SHISA3: variants seen among roughly 807,000 people sequenced by gnomAD.
SHISA3 encodes the protein protein shisa-3 homolog.
SHISA3 carries 15 observed loss-of-function variants against 19.2 expected under a neutral mutation model. The observed-to-expected ratio is 0.78, with a 90% confidence interval of 0.52 to 1.20. The LOEUF (loss-of-function observed/expected upper bound fraction) is 1.20. Among genes scored for constraint, SHISA3 ranks in the 50% most tolerant of loss-of-function variants. SHISA3 has a pLI of 0.00. For missense variants in SHISA3, 327 were observed against 315.7 expected, an observed-to-expected ratio of 1.04 and a Z score of -0.27; for synonymous variants, 145 against 135.2, an observed-to-expected ratio of 1.07 and a Z score of -0.50.
chr4:42,398,144 G>A lies in SHISA3; in HGVS notation c.88G>A (p.Gly30Ser), dbSNP rs774157029. The change falls in exon 1 of 2, where the codon GGC becomes AGC. Residue 30 changes from glycine (G) to serine (S), a missense_variant. Gly to Ser is a moderately conservative substitution (Grantham distance 56, BLOSUM62 0). Transcript: ENST00000319234. ...GAQQSGEYCH[G>S]WVDVQGNYHE... ...CCAGCAGTCCGGAGAGTACTGCCAC[G>A]GCTGGGTGGACGTGCAGGGCAACTA... is the stretch of plus-strand genomic sequence containing the variant. 7 of 1,605,996 alleles carry A rather than the reference G, an allele frequency of 4.4e-6. No individual in the cohort carries two copies. Among genetic ancestry groups the A allele is most frequent in the Non-Finnish European group, 5.9e-6 (7 of 1,176,864 alleles).
chr4:42,398,026 T>G lies in SHISA3; in HGVS notation c.-31T>G. ...AGCCCTTCGCTTTCCAGCTGCGTCC[T>G]GCTCCCGGCCGCCCAGGGAGCCCAG... On this transcript the variant is annotated 5_prime_UTR_variant, in exon 1 of 2. Coordinates refer to ENST00000319234, the MANE Select transcript of SHISA3 (RefSeq NM_001080505.3). 6.6e-7 allele frequency: 1 copy of G among 1,513,872 alleles called. No individual in the cohort carries two copies. Among genetic ancestry groups the G allele is most frequent in the East Asian group, 2.4e-5 (1 of 41,648 alleles). 93.8% of individuals were successfully genotyped at this position (1,513,872 alleles called of 1,614,324 possible).
chr4:42,399,744 G>A (rs1195488206), intron 1 of SHISA3, among the ~76,000 whole-genome samples: 1 of 152,208 alleles, frequency 6.6e-6, no homozygotes, highest in Non-Finnish European at 1.5e-5. Context: ...CCTCTTCTCA[G>A]TTCTAAAGTG....
chr4:42,401,341 CA>C lies in SHISA3; in HGVS notation c.608del (p.His203ProfsTer42). ...GCCATACACCACCAGCCACTCAATC[CA>C]CCTGGCTCAGCCATCTGGTTTCCTG... ...PPPYTTSHSI[H>X]LAQPSGFLVS... On this transcript the variant is annotated frameshift_variant, in exon 2 of 2. Transcript: ENST00000319234. LOFTEE classifies it high-confidence loss of function. The C allele has an allele frequency of 6.2e-7, 1 of 1,614,250 alleles. No homozygotes were observed. The highest frequency in any genetic ancestry group is 8.5e-7 in the Non-Finnish European group (1 of 1,180,052).
chr4:42,402,295 C>A lies in SHISA3; in HGVS notation c.*844C>A, dbSNP rs543219915. Reference sequence around the variant, plus strand: ...TAATGTATTTACCACATTGACTGTACTAATTATTTAGTAGTCATACTGTAA... The same window carrying A: ...TAATGTATTTACCACATTGACTGTAATAATTATTTAGTAGTCATACTGTAA... On this transcript the variant is annotated 3_prime_UTR_variant, in exon 2 of 2. Transcript: ENST00000319234. The A allele has an allele frequency of 6.6e-6, 1 of 152,100 alleles. No homozygotes were observed. The highest frequency in any genetic ancestry group is 1.9e-4 in the East Asian group (1 of 5,180). 9.4% of individuals were successfully genotyped at this position (152,100 alleles called of 1,614,324 possible).
In SHISA3 at chr4:42,401,513, T is replaced by C. The variant is rs1711923737; in HGVS notation, c.*62T>C. On this transcript the variant is annotated 3_prime_UTR_variant, in exon 2 of 2. Transcript: ENST00000319234. ...GCAGACAGGTGGAGCCCTGCTCCCA[T>C]TGCCACATGCAATTCTGAGAAAATT... 3 of 1,494,796 alleles carry C rather than the reference T, an allele frequency of 2.0e-6. No individual in the cohort carries two copies. The highest frequency in any genetic ancestry group is 2.7e-5 in the South Asian group (2 of 74,478). 92.6% of individuals were successfully genotyped at this position (1,494,796 alleles called of 1,614,324 possible).
In SHISA3 at chr4:42,397,943, G is replaced by A. The variant is rs748266851; in HGVS notation, c.-114G>A. 1.7e-5 allele frequency: 19 copies of A among 1,094,140 alleles called. No homozygotes were observed. The highest frequency in any genetic ancestry group is 2.4e-5 in the Non-Finnish European group (19 of 795,850). The allele number at this position is 1,094,140 out of a possible 1,614,324, so 67.8% of individuals were successfully genotyped here. A position where few individuals can be genotyped will look rare whatever the true frequency, so the allele number is the denominator to read the frequency against. On this transcript the variant is annotated 5_prime_UTR_variant, in exon 1 of 2. Transcript: ENST00000319234. ...GGACTGGCTTCGGCCGCCGGGGCCA[G>A]CAGCTTGCGACGTGTCCCTGGGGAG...
At chr4:42,399,963 C>T (rs1711859984) in intron 1 of SHISA3, among the ~76,000 whole-genome samples, 1 of 152,218 alleles carries the variant, frequency 6.6e-6, no homozygotes, top group Non-Finnish European at 1.5e-5. Flanking sequence ...CTAGCTCTGT[C>T]TGTGGGAATG....
chr4:42,398,657 G>A (rs1332766295), intron 1 of SHISA3, among the ~76,000 whole-genome samples: 1 of 152,206 alleles, frequency 6.6e-6, no homozygotes, highest in Non-Finnish European at 1.5e-5. Context: ...CGGGAGAAGG[G>A]TAGTGCGGGT....
Position 42,397,947 on chromosome 4 carries a change from C to A in SHISA3, c.-110C>A. 2 of 1,140,044 alleles carry A rather than the reference C, an allele frequency of 1.8e-6. No individual in the cohort carries two copies. Among genetic ancestry groups the A allele is most frequent in the Non-Finnish European group, 2.4e-6 (2 of 836,264 alleles). 70.6% of individuals were successfully genotyped at this position (1,140,044 alleles called of 1,614,324 possible). A position where few individuals can be genotyped will look rare whatever the true frequency, so the allele number is the denominator to read the frequency against. Reference sequence around the variant, plus strand: ...TGGCTTCGGCCGCCGGGGCCAGCAGCTTGCGACGTGTCCCTGGGGAGGCGG... The same window carrying A: ...TGGCTTCGGCCGCCGGGGCCAGCAGATTGCGACGTGTCCCTGGGGAGGCGG... On this transcript the variant is annotated 5_prime_UTR_variant, in exon 1 of 2. Transcript: ENST00000319234.
chr4:42,398,454 G>A, intron 1 of SHISA3, 121 bp downstream of exon 1: 1 of 1,116,702 alleles, frequency 9.0e-7, no homozygotes, highest in Non-Finnish European at 1.2e-6. Flanking sequence ...GTGCGCCAGG[G>A]GGACGCGGCC....
At position 42,398,296 on chromosome 4, in the gene SHISA3, C is replaced by G. The variant is rs993222380; in HGVS notation, c.240C>G (p.Asn80Lys). ...GGCTGGAGCAGGGCGGCTGCACCAACGACCGCCGCGAACTGGAGCACCCAG... is the reference window on the plus strand; with the variant it reads ...GGCTGGAGCAGGGCGGCTGCACCAAGGACCGCCGCGAACTGGAGCACCCAG... ...DARLEQGGCTNDRRELEHPGI... is the reference protein window; with the variant it reads ...DARLEQGGCTKDRRELEHPGI... The change falls in exon 1 of 2, where the codon AAC becomes AAG. Residue 80 changes from asparagine to lysine, a missense_variant. Transcript: ENST00000319234. 2.6e-6 allele frequency: 4 copies of G among 1,561,472 alleles called. No individual in the cohort carries two copies. The highest frequency in any genetic ancestry group is 3.5e-6 in the Non-Finnish European group (4 of 1,154,446).
intron 1 of SHISA3, 90 bp downstream of exon 1, chr4:42,398,423 T>A: frequency 7.3e-7 from 1 of 1,360,936 alleles, no homozygotes; most frequent in Non-Finnish European, 9.7e-7. Flanking sequence ...CCCAGGCAGG[T>A]CTATGCGCCT....
rs766277256 is a variant in SHISA3 at position 42,401,376 on chromosome 4, C to T, written c.642C>T (p.Pro214=). 4 of 1,613,896 alleles carry T rather than the reference C, an allele frequency of 2.5e-6. No individual in the cohort carries two copies. The South Asian group carries it at 3.3e-5, about 13-fold the overall frequency. The stretch of plus-strand genomic sequence containing the variant: ...AGCCATCTGGTTTCCTGGTGTCACC[C>T]CAGTATTTCGCTTACCCCCTCCAGC... ...LAQPSGFLVS[P]QYFAYPLQQE... is the part of the protein sequence containing the mutation. Residue 214 remains proline, a synonymous_variant, in exon 2 of 2, where the codon CCC becomes CCT. Coordinates refer to ENST00000319234, the MANE Select transcript of SHISA3 (RefSeq NM_001080505.3).
intron 1 of SHISA3, among the ~76,000 whole-genome samples, chr4:42,400,693 C>T (rs893446518): frequency 3.9e-5 from 6 of 152,272 alleles, no homozygotes; most frequent in African/African-American, 1.4e-4. Context: ...CTAAAACTCA[C>T]CCTTTCCCTC....
Position 42,401,184 on chromosome 4 carries a change from G to T in SHISA3, c.450G>T (p.Leu150=), listed in dbSNP as rs1239683175. ...AGACAGAGACCCTGCCCATGATCCTGACCTCCACCAGCCCCAGGGCACCCT... is the reference window on the plus strand; with the variant it reads ...AGACAGAGACCCTGCCCATGATCCTTACCTCCACCAGCCCCAGGGCACCCT... ...SYQTETLPMI[L]TSTSPRAPSR... The change falls in exon 2 of 2, where the codon CTG becomes CTT. Residue 150 remains leucine (L), a synonymous_variant. Transcript: ENST00000319234. 1 of 1,614,160 alleles carries T rather than the reference G, an allele frequency of 6.2e-7. No homozygotes were observed. The highest frequency in any genetic ancestry group is 8.5e-7 in the Non-Finnish European group (1 of 1,180,018).
chr4:42,397,911 C>T lies in SHISA3; in HGVS notation c.-146C>T, dbSNP rs553259628. On this transcript the variant is annotated 5_prime_UTR_variant, in exon 1 of 2. Coordinates refer to ENST00000319234, the MANE Select transcript of SHISA3 (RefSeq NM_001080505.3). ...TGTCGCCTCCCCGGCCCCTGCTATC[C>T]CACGCAGGACTGGCTTCGGCCGCCG... The T allele has an allele frequency of 3.1e-5, 22 of 701,992 alleles. No homozygotes were observed. The African/African-American group carries it at 3.8e-4, about 12-fold the overall frequency. The allele number at this position is 701,992 out of a possible 1,614,324, so 43.5% of individuals were successfully genotyped here.
intron 1 of SHISA3, among the ~76,000 whole-genome samples, chr4:42,400,357 A>T (rs567026404): frequency 6.6e-6 from 1 of 152,306 alleles, no homozygotes; most frequent in South Asian, 2.1e-4. Context: ...TTGGATGGGA[A>T]TTGAGAGGCA....
At position 42,401,255 on chromosome 4, in the gene SHISA3, C is replaced by A; in HGVS notation, c.521C>A (p.Ser174Tyr). ...TATSSSSTGG[S>Y]IRRFSFARAE... ...ACGAGCTCCAGCTCCACAGGCGGCT[C>A]CATCCGCAGGTTCTCCTTTGCCAGG... is the stretch of plus-strand genomic sequence containing the variant. The change falls in exon 2 of 2, where the codon TCC becomes TAC. Residue 174 changes from serine (S) to tyrosine (Y), a missense_variant. Physicochemically the swap from Ser to Tyr is moderately radical, Grantham distance 144. Coordinates refer to ENST00000319234, the MANE Select transcript of SHISA3 (RefSeq NM_001080505.3). 2 of 1,614,204 alleles carry A rather than the reference C, an allele frequency of 1.2e-6. No individual in the cohort carries two copies. Among genetic ancestry groups the A allele is most frequent in the Admixed American group, 1.7e-5 (1 of 60,036 alleles).
chr4:42,398,874 G>T (rs1376919666), intron 1 of SHISA3, among the ~76,000 whole-genome samples: 1 of 152,096 alleles, frequency 6.6e-6, no homozygotes, highest in African/African-American at 2.4e-5. Flanking sequence ...GCCCCGTTCT[G>T]CAGACTTCCT....
Sources: gnomAD v4.1 joint callset for allele counts (sites outside exome capture counted in the v4.1 genomes callset) on GRCh38, gnomAD v4.1.1 for gene constraint, MANE v1.5 for transcripts, NCBI Gene and HGNC (gene_info 2026-07-23, HGNC 2026-07-21) for gene names.